KIAA0825: variants seen among roughly 807,000 people sequenced by gnomAD.
The protein encoded by KIAA0825 is uncharacterized protein KIAA0825.
Under a neutral mutation model 147.6 loss-of-function variants are expected in KIAA0825, and 119 were observed. The observed-to-expected ratio is 0.81, with a 90% CI of 0.69 to 0.94. The LOEUF is 0.94. KIAA0825 is among the 40% of genes least tolerant of loss of function. The probability of loss-of-function intolerance (pLI) is 0.00; values close to 1 mark genes in which losing one functional copy is unlikely to be tolerated. For missense variants in KIAA0825, 1,381 were observed against 1,472.7 expected, an observed-to-expected ratio of 0.94 and a Z score of 1.02; for synonymous variants, 470 against 518.1, an observed-to-expected ratio of 0.91 and a Z score of 1.26.
chr5:94,538,629 T>C (rs1201291243), intron 2 of KIAA0825, among the ~76,000 whole-genome samples: 1 of 152,246 alleles, frequency 6.6e-6, no homozygotes, highest in Non-Finnish European at 1.5e-5. Flanking sequence ...TTCATGCTAT[T>C]GATTTGCCTC....
chr5:94,557,957 A>G (rs775871855), intron 2 of KIAA0825, among the ~76,000 whole-genome samples: 5 of 152,148 alleles, frequency 3.3e-5, no homozygotes, highest in Admixed American at 6.5e-5. Context: ...TGGATCTGGC[A>G]GGGTGTCTGC....
chr5:94,535,225 A>C (rs1434048664), intron 3 of KIAA0825, among the ~76,000 whole-genome samples: 1 of 151,902 alleles, frequency 6.6e-6, no homozygotes, highest in Admixed American at 6.6e-5. Flanking sequence ...GCTTGTAATC[A>C]TAGGCCAAGC....
chr5:94,392,407 T>G (rs29918), intron 17 of KIAA0825, among the ~76,000 whole-genome samples: 37,960 of 152,130 alleles, frequency 0.25, 5,323 homozygotes, highest in African/African-American at 0.38. Context: ...TCTTTTAGAA[T>G]GATCTATATA....
In KIAA0825 at chr5:94,223,482, T is replaced by G. The variant is rs1038539414; in HGVS notation, c.3711-69358A>C. 2.6e-5 allele frequency among the ~76,000 whole-genome samples: 4 copies of G among 152,206 alleles called. No homozygotes were observed. In the East Asian group the frequency reaches 7.7e-4, roughly 29 times the overall value. ...ACTAATTGCAAAGGAATCTGTTACC[T>G]GTTCTCATCAGTGTGCCACATATTC... is the stretch of plus-strand genomic sequence containing the variant. On this transcript the variant is annotated intron_variant, in intron 20 of 20. Coordinates refer to ENST00000682413, the MANE Select transcript of KIAA0825 (RefSeq NM_001145678.3).
At chr5:94,572,210 C>T (rs190538919) in intron 2 of KIAA0825, among the ~76,000 whole-genome samples, 10 of 152,208 alleles carry the variant, frequency 6.6e-5, no homozygotes, top group Admixed American at 1.3e-4. Flanking sequence ...GGCACGGGCA[C>T]ATCAACTGGC....
intron 5 of KIAA0825, among the ~76,000 whole-genome samples, chr5:94,490,612 G>A (rs191226070): frequency 2.6e-5 from 4 of 151,960 alleles, no homozygotes; most frequent in Admixed American, 6.6e-5. Context: ...CATAAAAGGT[G>A]CGCACAGATA....
rs189015475 is a variant in KIAA0825, at chr5:94,589,757, T to A, written c.-152-7174A>T. 2.3e-3 allele frequency among the ~76,000 whole-genome samples: 351 copies of A among 152,184 alleles called. 3 individuals carry two copies. Among genetic ancestry groups the A allele is most frequent in the African/African-American group, 7.9e-3 (327 of 41,538 alleles). ...ATCCAGGATATTTGATAAACTCTTA[T>A]TTTTTCCAGTAGTTTTACATCATGC... On this transcript the variant is annotated intron_variant, in intron 1 of 20. Transcript: ENST00000682413.
chr5:94,188,632 T>C (rs1037302246), intron 20 of KIAA0825, among the ~76,000 whole-genome samples: 4 of 152,146 alleles, frequency 2.6e-5, no homozygotes, highest in Non-Finnish European at 5.9e-5. Flanking sequence ...CTGAGTAATA[T>C]TTGATAGTAG....
intron 1 of KIAA0825, among the ~76,000 whole-genome samples, chr5:94,604,995 C>T (rs891740121): frequency 2.6e-5 from 4 of 151,750 alleles, no homozygotes; most frequent in East Asian, 1.9e-4. Flanking sequence ...AATAGATAGA[C>T]GGCTAGCTGG....
intron 20 of KIAA0825, among the ~76,000 whole-genome samples, chr5:94,168,941 C>T (rs914968788): frequency 1.3e-5 from 2 of 152,174 alleles, no homozygotes; most frequent in African/African-American, 4.8e-5. Context: ...CTGTGTCAAG[C>T]AATACTGCTC....
At chr5:94,301,414 T>C (rs1271257549) in intron 20 of KIAA0825, among the ~76,000 whole-genome samples, 1 of 151,508 alleles carries the variant, frequency 6.6e-6, no homozygotes, top group Admixed American at 6.6e-5. Flanking sequence ...AATATATACT[T>C]GTAAACCAAA....
intron 20 of KIAA0825, among the ~76,000 whole-genome samples, chr5:94,198,120 T>G (rs1583822599): frequency 6.6e-6 from 1 of 152,144 alleles, no homozygotes; most frequent in East Asian, 1.9e-4. Flanking sequence ...TTTCCATGGG[T>G]TTGTGTCATC....
At chr5:94,506,917 G>A (rs552292747) in intron 5 of KIAA0825, among the ~76,000 whole-genome samples, 9 of 152,220 alleles carry the variant, frequency 5.9e-5, no homozygotes, top group Admixed American at 2.6e-4. Context: ...TGATGATGAT[G>A]AAAGCACCAA....
At chr5:94,257,173 TA>T (rs1185811324) in intron 20 of KIAA0825, among the ~76,000 whole-genome samples, 2 of 152,134 alleles carry the variant, frequency 1.3e-5, no homozygotes, top group Non-Finnish European at 2.9e-5. Context: ...TAAAAATAAA[TA>T]CTCTCTATAA....
intron 20 of KIAA0825, among the ~76,000 whole-genome samples, chr5:94,354,026 T>C (rs1783986671): frequency 1.3e-5 from 2 of 152,208 alleles, no homozygotes; most frequent in Non-Finnish European, 2.9e-5. Flanking sequence ...AAATTCTCAG[T>C]GTACAATGTT....
At chr5:94,511,400 C>T (rs776280650) in intron 5 of KIAA0825, among the ~76,000 whole-genome samples, 23 of 152,198 alleles carry the variant, frequency 1.5e-4, no homozygotes, top group Admixed American at 3.3e-4. Context: ...GAGGGCAGAT[C>T]ACCTGAGGTC....
chr5:94,248,683 C>T (rs1046783286), intron 20 of KIAA0825, among the ~76,000 whole-genome samples: 10 of 152,094 alleles, frequency 6.6e-5, no homozygotes, highest in African/African-American at 2.4e-4. Context: ...GGCAGAAAGA[C>T]CTTGCTGCAA....
chr5:94,512,460 T>G (rs538556964), intron 5 of KIAA0825, among the ~76,000 whole-genome samples: 1 of 152,106 alleles, frequency 6.6e-6, no homozygotes, highest in Non-Finnish European at 1.5e-5. Context: ...TAATTATTAT[T>G]TTCATAAATT....
chr5:94,332,693 A>T (rs983883605), intron 20 of KIAA0825, among the ~76,000 whole-genome samples: 3 of 152,272 alleles, frequency 2.0e-5, no homozygotes, highest in Admixed American at 1.3e-4. Flanking sequence ...ATACGTGTGC[A>T]TGTGTCTTTT....
Sources: allele counts gnomAD v4.1 joint callset (sites outside exome capture counted in the v4.1 genomes callset), GRCh38; gene constraint gnomAD v4.1.1; transcripts MANE v1.5; gene names NCBI Gene and HGNC (gene_info 2026-07-23, HGNC 2026-07-21).